The following KCNAB1 variants were observed in gnomAD, a reference collection of about 807,000 sequenced individuals.
The protein encoded by KCNAB1 is potassium voltage-gated channel subfamily A regulatory beta subunit 1.
A neutral mutation model predicts 64.6 loss-of-function variants in KCNAB1; 35 were observed. The ratio of observed to expected loss-of-function variants is 0.54; its 90% CI spans 0.41 to 0.72. The LOEUF is 0.72. Ranked by LOEUF, KCNAB1 falls within the 30% of genes least tolerant of loss-of-function variation. The pLI, the probability that KCNAB1 is intolerant of heterozygous loss-of-function variation, is 0.00. For missense variants in KCNAB1, 401 were observed against 512.9 expected (o/e 0.78, Z 2.11); for synonymous variants, 177 against 183.8 (o/e 0.96, Z 0.30).
rs143836110 is a variant in KCNAB1, at chr3:156,440,647, A to C, written c.320-12252A>C. 8.7e-4 allele frequency among the ~76,000 whole-genome samples: 132 copies of C among 152,372 alleles called. 1 individual carries two copies. Among genetic ancestry groups the C allele is most frequent in the Non-Finnish European group, 1.6e-4 (11 of 68,030 alleles). On this transcript the variant is annotated intron_variant, in intron 2 of 13. Coordinates refer to ENST00000490337, the MANE Select transcript of KCNAB1 (RefSeq NM_172160.3). The stretch of plus-strand genomic sequence containing the variant: ...AAGAAATAGACTTAGAAATAGACTA[A>C]GAGTCAGTGCATAAAAAGAGAATCT...
At chr3:156,486,972 G>GT (rs1715265595) in intron 8 of KCNAB1, among the ~76,000 whole-genome samples, 1 of 152,208 alleles carries the variant, frequency 6.6e-6, no homozygotes, top group African/African-American at 2.4e-5. Flanking sequence ...TCTACTGAAT[G>GT]TTAAGGACCA....
At chr3:156,387,433 A>G (rs1712704088) in intron 1 of KCNAB1, among the ~76,000 whole-genome samples, 1 of 152,226 alleles carries the variant, frequency 6.6e-6, no homozygotes, top group South Asian at 2.1e-4. Context: ...TCAGATAAAA[A>G]TGCACAGTCC....
chr3:156,533,788 T>A (rs1293962254), intron 13 of KCNAB1, among the ~76,000 whole-genome samples: 3 of 152,042 alleles, frequency 2.0e-5, no homozygotes, highest in Non-Finnish European at 2.9e-5. Flanking sequence ...TGAGGATTTT[T>A]ATCATGCTAA....
chr3:156,173,663 A>G (rs578004641), intron 1 of KCNAB1, among the ~76,000 whole-genome samples: 1 of 152,296 alleles, frequency 6.6e-6, no homozygotes, highest in South Asian at 2.1e-4. Context: ...CACTCTATGT[A>G]ACAAAAAAAT....
chr3:156,247,101 C>A (rs1021046479), intron 1 of KCNAB1, among the ~76,000 whole-genome samples: 15 of 152,204 alleles, frequency 9.9e-5, no homozygotes, highest in Non-Finnish European at 1.9e-4. Flanking sequence ...CCAGGTCAGA[C>A]TGATCTTGGC....
intron 1 of KCNAB1, among the ~76,000 whole-genome samples, chr3:156,417,204 G>C (rs1462623585): frequency 6.6e-6 from 1 of 152,064 alleles, no homozygotes; most frequent in African/African-American, 2.4e-5. Flanking sequence ...ATTATTAAAT[G>C]TGCATTTCTT....
chr3:156,206,310 C>T (rs1407644869), intron 1 of KCNAB1, among the ~76,000 whole-genome samples: 1 of 152,196 alleles, frequency 6.6e-6, no homozygotes, highest in Admixed American at 6.5e-5. Context: ...CAGTGACTGG[C>T]TCAAGGGTGA....
At chr3:156,407,529 C>G (rs538789565) in intron 1 of KCNAB1, among the ~76,000 whole-genome samples, 13 of 152,330 alleles carry the variant, frequency 8.5e-5, no homozygotes, top group African/African-American at 2.9e-4. Context: ...GCACCTAGAA[C>G]AGTGCTCAAT....
intron 1 of KCNAB1, among the ~76,000 whole-genome samples, chr3:156,218,822 AAAAT>A (rs548874734): frequency 1.0e-4 from 15 of 144,396 alleles, no homozygotes; most frequent in African/African-American, 3.0e-4. Flanking sequence ...AAATAAAATA[AAAAT>A]AAATAAATAA....
chr3:156,138,659 G>A (rs569255949), intron 1 of KCNAB1, among the ~76,000 whole-genome samples: 4 of 152,346 alleles, frequency 2.6e-5, no homozygotes, highest in South Asian at 2.1e-4. Flanking sequence ...CAGTAACAAA[G>A]GAGGAAGGAT....
intron 1 of KCNAB1, among the ~76,000 whole-genome samples, chr3:156,214,053 C>G (rs1295365762): frequency 6.6e-6 from 1 of 152,168 alleles, no homozygotes; most frequent in Non-Finnish European, 1.5e-5. Flanking sequence ...TATCCATGTG[C>G]CAGAAGGTAG....
intron 1 of KCNAB1, among the ~76,000 whole-genome samples, chr3:156,256,666 A>T (rs1191141840): frequency 6.6e-6 from 1 of 151,490 alleles, no homozygotes; most frequent in Non-Finnish European, 1.5e-5. Context: ...TGCCCACTTG[A>T]GAGAAAATGT....
Position 156,273,611 on chromosome 3 carries a change from G to A in KCNAB1, c.276-148005G>A, listed in dbSNP as rs1198348322. 18 of 456,390 alleles carry A rather than the reference G, an allele frequency of 3.9e-5. 2 individuals carry two copies. Among genetic ancestry groups the A allele is most frequent in the South Asian group, 1.2e-4 (8 of 64,550 alleles). The allele number at this position is 456,390 out of a possible 1,614,324, so 28.3% of individuals were successfully genotyped here. A position where few individuals can be genotyped will look rare whatever the true frequency, so the allele number is the denominator to read the frequency against. ...TGTGGGGTGGGAGAAGGGTGGCATCGGCAATTCACCGCTGTCTTTCCTACT... is the reference window on the plus strand; with the variant it reads ...TGTGGGGTGGGAGAAGGGTGGCATCAGCAATTCACCGCTGTCTTTCCTACT... On this transcript the variant is annotated intron_variant, in intron 1 of 13. Coordinates refer to ENST00000490337, the MANE Select transcript of KCNAB1 (RefSeq NM_172160.3).
chr3:156,323,919 C>G (rs919483622), intron 1 of KCNAB1, among the ~76,000 whole-genome samples: 4 of 152,136 alleles, frequency 2.6e-5, no homozygotes, highest in African/African-American at 9.7e-5. Flanking sequence ...ACAAAGTTCC[C>G]ATGATTTTTA....
intron 1 of KCNAB1, among the ~76,000 whole-genome samples, chr3:156,207,737 T>A (rs949610268): frequency 2.0e-5 from 3 of 152,178 alleles, no homozygotes; most frequent in African/African-American, 7.2e-5. Context: ...GCTTCCTTGG[T>A]TGTATTCAAG....
chr3:156,467,487 G>A (rs1247914452), intron 7 of KCNAB1, among the ~76,000 whole-genome samples: 1 of 152,016 alleles, frequency 6.6e-6, no homozygotes, highest in Non-Finnish European at 1.5e-5. Flanking sequence ...AAATAGATAA[G>A]GAAGCCAGGT....
intron 1 of KCNAB1, among the ~76,000 whole-genome samples, chr3:156,315,868 A>G (rs199768605): frequency 1.3e-5 from 2 of 152,336 alleles, no homozygotes; most frequent in East Asian, 3.9e-4. Context: ...AGAACATATA[A>G]AATTTGAACT....
chr3:156,364,255 A>T (rs1178750799), intron 1 of KCNAB1, among the ~76,000 whole-genome samples: 1 of 152,248 alleles, frequency 6.6e-6, no homozygotes, highest in African/African-American at 2.4e-5. Flanking sequence ...CAATTGAGAT[A>T]TATCTATGAT....
In KCNAB1 at chr3:156,514,345, T is replaced by C; in HGVS notation, c.659-19T>C. The C allele has an allele frequency of 1.2e-6, 2 of 1,602,546 alleles. No homozygotes were observed. Among genetic ancestry groups the C allele is most frequent in the Non-Finnish European group, 1.7e-6 (2 of 1,169,658 alleles). On this transcript the variant is annotated intron_variant, in intron 8 of 13. Transcript: ENST00000490337. ...AAGTAGACAAATTCATGAAATGCTG[T>C]CTGTTTGACCTTCCACAGAAATTGT... is the stretch of plus-strand genomic sequence containing the variant.
Sources: allele counts gnomAD v4.1 joint callset (sites outside exome capture counted in the v4.1 genomes callset), GRCh38; gene constraint gnomAD v4.1.1; transcripts MANE v1.5; gene names NCBI Gene and HGNC (gene_info 2026-07-23, HGNC 2026-07-21).